EARS2: variants seen among roughly 807,000 people sequenced by gnomAD.
The protein encoded by EARS2 is nondiscriminating glutamyl-tRNA synthetase EARS2, mitochondrial.
A neutral mutation model predicts 54.1 loss-of-function variants in EARS2; 50 were observed. The observed-to-expected ratio is 0.92, with a 90% CI of 0.74 to 1.17. The LOEUF (loss-of-function observed/expected upper bound fraction) is 1.17. Among genes scored for constraint, EARS2 ranks in the 50% most tolerant of loss-of-function variants. The pLI, the probability that EARS2 is intolerant of heterozygous loss-of-function variation, is 0.00. For synonymous variants in EARS2, 298 were observed against 281.0 expected, an observed-to-expected ratio of 1.06 and a Z score of -0.61; for missense variants, 673 against 675.0, an observed-to-expected ratio of 1.00 and a Z score of 0.03.
chr16:23,548,174 C>T (rs993930478), intron 2 of EARS2, among the ~76,000 whole-genome samples: 1 of 151,482 alleles, frequency 6.6e-6, no homozygotes, highest in African/African-American at 2.4e-5. Flanking sequence ...GTGGAGCTTG[C>T]AGTGAGCCGA....
At chr16:23,552,923 G>C (rs564600425) in intron 1 of EARS2, 39 of 207,026 alleles carry the variant, frequency 1.9e-4, no homozygotes, top group Non-Finnish European at 1.8e-4. Context: ...ATTGTGCTTG[G>C]CCTGAGTTTG....
At chr16:23,554,017 A>G (rs1965737389) in intron 1 of EARS2, among the ~76,000 whole-genome samples, 1 of 152,142 alleles carries the variant, frequency 6.6e-6, no homozygotes, top group Admixed American at 6.6e-5. Flanking sequence ...AACAAAATTC[A>G]TTTTTGAAAT....
intron 4 of EARS2, 125 bp downstream of exon 4, chr16:23,534,763 C>T (rs1013575782): frequency 3.1e-5 from 24 of 784,042 alleles, no homozygotes; most frequent in Non-Finnish European, 3.8e-5. Flanking sequence ...AAAGAATAAA[C>T]TTGTCCAAGG....
rs1965180879 is a variant in EARS2, at chr16:23,523,886, G to T, written c.*485C>A. The T allele has an allele frequency of 6.4e-6, 1 of 157,046 alleles. No homozygotes were observed. Among genetic ancestry groups the T allele is most frequent in the Non-Finnish European group, 1.4e-5 (1 of 71,194 alleles). 9.7% of individuals were successfully genotyped at this position (157,046 alleles called of 1,614,324 possible). A position where few individuals can be genotyped will look rare whatever the true frequency, so the allele number is the denominator to read the frequency against. On this transcript the variant is annotated 3_prime_UTR_variant, in exon 9 of 9. Coordinates refer to ENST00000449606, the MANE Select transcript of EARS2 (RefSeq NM_001083614.2). ...AGACCGCACAAGGACACAGTGAGAAGACAGCTGTCTGCAAGCCAACAAAAG... is the reference window on the plus strand; with the variant it reads ...AGACCGCACAAGGACACAGTGAGAATACAGCTGTCTGCAAGCCAACAAAAG...
chr16:23,531,138 C>T (rs952132726), intron 5 of EARS2, among the ~76,000 whole-genome samples: 1 of 151,350 alleles, frequency 6.6e-6, no homozygotes, highest in Non-Finnish European at 1.5e-5. Flanking sequence ...CTCAGGAGAT[C>T]CACCTGCCTC....
intron 2 of EARS2, chr16:23,546,317 T>C: frequency 2.2e-6 from 1 of 445,290 alleles, no homozygotes; most frequent in Admixed American, 2.5e-5. Context: ...GATAAGGACA[T>C]TGTTCACCTT....
At chr16:23,554,747 C>T (rs1235203395) in intron 1 of EARS2, among the ~76,000 whole-genome samples, 1 of 152,184 alleles carries the variant, frequency 6.6e-6, no homozygotes, top group Admixed American at 6.6e-5. Flanking sequence ...TCAAGTACAC[C>T]TGGATTCAAA....
At chr16:23,555,644 T>C (rs1298411676) in intron 1 of EARS2, among the ~76,000 whole-genome samples, 3 of 152,230 alleles carry the variant, frequency 2.0e-5, no homozygotes, top group African/African-American at 7.2e-5. Context: ...TGAAAACAGT[T>C]GTCAGTTCAC....
chr16:23,538,482 T>C (rs1965461225), intron 3 of EARS2, among the ~76,000 whole-genome samples: 2 of 152,242 alleles, frequency 1.3e-5, no homozygotes, highest in Admixed American at 1.3e-4. Flanking sequence ...TTCTGTTTTC[T>C]AAATGTTGTT....
chr16:23,557,170 G>T, intron 1 of EARS2, 35 bp downstream of exon 1: 1 of 1,503,980 alleles, frequency 6.6e-7, no homozygotes, highest in Non-Finnish European at 8.8e-7. Context: ...GGGACAGGGG[G>T]CCTCGGCCTG....
intron 3 of EARS2, among the ~76,000 whole-genome samples, chr16:23,537,779 CTTTTCTTTTT>C (rs1404905889): frequency 1.3e-5 from 2 of 149,278 alleles, no homozygotes; most frequent in Non-Finnish European, 3.0e-5. Context: ...TCTTTCTTTT[CTTTTCTTTTT>C]CTTTCTTTTT....
intron 1 of EARS2, 68 bp from the exon 2 acceptor site, chr16:23,552,372 AG>A: frequency 6.6e-7 from 1 of 1,515,520 alleles, no homozygotes; most frequent in South Asian, 1.1e-5. Context: ...GGGGCAAGTA[AG>A]CACTACTGTG....
In EARS2 at chr16:23,556,969, T is replaced by C; in HGVS notation, c.139+236A>G. On this transcript the variant is annotated intron_variant, in intron 1 of 8. Transcript: ENST00000449606. ...CATCAATGCACATGTATGGAATGCA[T>C]GAAAAAAAGATCGAAAGAGATGGGA... is the stretch of plus-strand genomic sequence containing the variant. 3 of 711,498 alleles carry C rather than the reference T, an allele frequency of 4.2e-6. No homozygotes were observed. In the Admixed American group the frequency reaches 6.3e-5, roughly 15 times the overall value. 44.1% of individuals were successfully genotyped at this position (711,498 alleles called of 1,614,324 possible).
At position 23,535,246 on chromosome 16, in the gene EARS2, G is replaced by A; in HGVS notation, c.600C>T (p.Asp200=). Residue 200 remains aspartate, a synonymous_variant, in exon 4 of 9, where the codon GAC becomes GAT. Transcript: ENST00000449606. ...CATGCCTATTCCAGCCATAGACCAG[G>A]TCCTGGAAGGCTGGCACCACCTGCT... The part of the protein sequence containing the change: ...RLEQVVPAFQ[D]LVYGWNRHEV... The A allele has an allele frequency of 6.2e-7, 1 of 1,612,174 alleles. No homozygotes were observed. Among genetic ancestry groups the A allele is most frequent in the Non-Finnish European group, 8.5e-7 (1 of 1,180,016 alleles).
Position 23,522,468 on chromosome 16 carries a change from GT to G in EARS2, c.*1902del, listed in dbSNP as rs79556186. The G allele has an allele frequency of 2.2e-4, 33 of 147,580 alleles. No individual in the cohort carries two copies. Among genetic ancestry groups the G allele is most frequent in the African/African-American group, 6.4e-4 (26 of 40,330 alleles). 9.1% of individuals were successfully genotyped at this position (147,580 alleles called of 1,614,324 possible). On this transcript the variant is annotated 3_prime_UTR_variant, in exon 9 of 9. Transcript: ENST00000449606. ...CTAGTTCCTGTCTTTTCCAAAACCT[GT>G]TTTTTTTTTGGCTTTTTGGTAGATG...
Position 23,532,733 on chromosome 16 carries a change from T to C in EARS2, c.991A>G (p.Ile331Val). Residue 331 changes from isoleucine (I) to valine (V), a missense_variant, in exon 5 of 9, where the codon ATC becomes GTC. This residue lies in a region of EARS2 where 338 missense variants were observed against 361.2 expected (regional missense o/e 0.94). Transcript: ENST00000449606. ...NQMGRTLPEL[I>V]TQFNLTQVTC... The stretch of plus-strand genomic sequence containing the variant: ...ACCTGTGTCAGGTTGAACTGTGTGA[T>C]CAGCTCCGGCAGGGTCCTGCCCATT... The C allele has an allele frequency of 6.2e-7, 1 of 1,614,042 alleles. No homozygotes were observed. The highest frequency in any genetic ancestry group is 2.2e-5 in the East Asian group (1 of 44,878).
intron 1 of EARS2, among the ~76,000 whole-genome samples, chr16:23,556,581 CCACTTGACCTCAAGTGATG>C (rs1345129451): frequency 6.6e-6 from 1 of 152,146 alleles, no homozygotes; most frequent in East Asian, 1.9e-4. Context: ...CTCAAGTGAT[CCACTTGACCTCAAGTGATG>C]CACCCACCTC....
intron 7 of EARS2, 32 bp downstream of exon 7, chr16:23,529,470 T>C: frequency 6.2e-7 from 1 of 1,606,504 alleles, no homozygotes; most frequent in Non-Finnish European, 8.5e-7. Context: ...AAGGAGGGTG[T>C]GGAACCCTGA....
intron 4 of EARS2, among the ~76,000 whole-genome samples, chr16:23,534,052 CA>C (rs34263060): frequency 0.74 from 100,494 of 135,336 alleles, 36,634 homozygotes; most frequent in Non-Finnish European, 0.81. Flanking sequence ...AGTTCTGTCT[CA>C]AAAAAAAAAA....
Sources: gnomAD v4.1 joint callset for allele counts (sites outside exome capture counted in the v4.1 genomes callset) on GRCh38, gnomAD v4.1.1 for gene constraint, gnomAD v4.1.1 regional missense constraint, MANE v1.5 for transcripts, NCBI Gene and HGNC (gene_info 2026-07-23, HGNC 2026-07-21) for gene names.